Variants in PHF21B observed in about 807,000 individuals in gnomAD.
PHF21B encodes PHD finger protein 4.
In PHF21B, 22 loss-of-function variants were observed where a neutral mutation model predicts 62.2. The ratio of observed to expected loss-of-function variants is 0.35; its 90% CI spans 0.25 to 0.51. The LOEUF is 0.51. Ranked by LOEUF, PHF21B falls within the 20% of genes least tolerant of loss-of-function variation. The probability of loss-of-function intolerance (pLI) is 0.97; values close to 1 mark genes in which losing one functional copy is unlikely to be tolerated. For synonymous variants in PHF21B, 341 were observed against 314.7 expected (o/e 1.08, Z -0.88); for missense variants, 701 against 707.9 (o/e 0.99, Z 0.11).
In PHF21B at chr22:44,889,892, G is replaced by A. The variant is rs2070930146; in HGVS notation, c.1016-110C>T. ...GGCAAGGGCTCTTACCCCAGGGCATGATGGGAGCATCATAAGGCCCCCATG... is the reference window on the plus strand; with the variant it reads ...GGCAAGGGCTCTTACCCCAGGGCATAATGGGAGCATCATAAGGCCCCCATG... On this transcript the variant is annotated intron_variant, in intron 8 of 12. Transcript: ENST00000313237. 3 of 1,189,254 alleles carry A rather than the reference G, an allele frequency of 2.5e-6. No homozygotes were observed. In the South Asian group the frequency reaches 5.8e-5, roughly 23 times the overall value. The allele number at this position is 1,189,254 out of a possible 1,614,324, so 73.7% of individuals were successfully genotyped here.
chr22:45,005,506 C>T (rs1365791733), intron 2 of PHF21B, among the ~76,000 whole-genome samples: 3 of 152,206 alleles, frequency 2.0e-5, no homozygotes, highest in East Asian at 3.8e-4. Flanking sequence ...TCTACCCTGA[C>T]CAATAAGCTA....
At chr22:44,958,991 G>A (rs1321358828) in intron 2 of PHF21B, among the ~76,000 whole-genome samples, 1 of 151,920 alleles carries the variant, frequency 6.6e-6, no homozygotes, top group Non-Finnish European at 1.5e-5. Context: ...GTCTCCTGCT[G>A]GTTCCATGGC....
At chr22:44,945,850 C>G (rs1411953308) in intron 2 of PHF21B, among the ~76,000 whole-genome samples, 1 of 152,132 alleles carries the variant, frequency 6.6e-6, no homozygotes, top group Non-Finnish European at 1.5e-5. Flanking sequence ...GGTACCAGAA[C>G]TCTTTGGGCC....
chr22:44,912,537 C>G (rs2071360309), intron 5 of PHF21B, among the ~76,000 whole-genome samples: 1 of 152,208 alleles, frequency 6.6e-6, no homozygotes, highest in African/African-American at 2.4e-5. Flanking sequence ...CAAGCTCTCT[C>G]TTTGCCTGCC....
intron 6 of PHF21B, among the ~76,000 whole-genome samples, chr22:44,895,065 C>T (rs1007539310): frequency 6.6e-6 from 1 of 152,224 alleles, no homozygotes; most frequent in Non-Finnish European, 1.5e-5. Context: ...CGAACCTTCC[C>T]GCATCCAGGT....
rs1345142665 is a variant in PHF21B, at chr22:44,916,422, G to C, written c.422C>G (p.Ser141Cys). The change falls in exon 4 of 13, where the codon TCT (serine) becomes TGT (cysteine). Residue 141 changes from serine (S) to cysteine (C), a missense_variant. Ser to Cys is a moderately radical substitution (Grantham distance 112, BLOSUM62 -1). Transcript: ENST00000313237. ...QALAEPAALA[S>C]PLSSAGVAYA... Reference sequence around the variant, plus strand: ...GGCCACCCCCGCACTGCTCAGCGGAGAGGCGAGGGCGGCGGGCTCGGCGAG... The same window carrying C: ...GGCCACCCCCGCACTGCTCAGCGGACAGGCGAGGGCGGCGGGCTCGGCGAG... 2.5e-6 allele frequency: 4 copies of C among 1,597,386 alleles called. No individual in the cohort carries two copies. The East Asian group carries it at 8.9e-5, about 36-fold the overall frequency.
At chr22:44,964,803 C>A (rs1459598497) in intron 2 of PHF21B, among the ~76,000 whole-genome samples, 1 of 152,230 alleles carries the variant, frequency 6.6e-6, no homozygotes, top group Non-Finnish European at 1.5e-5. Context: ...GGCCACCTGA[C>A]CTCCCGGAGA....
chr22:44,916,339 C>T lies in PHF21B; in HGVS notation c.505G>A (p.Val169Met), dbSNP rs760468264. 13 of 1,599,028 alleles carry T rather than the reference C, an allele frequency of 8.1e-6. No individual in the cohort carries two copies. The Admixed American group carries it at 1.8e-4, about 22-fold the overall frequency. ...TTGATGCTGTCACTGACCACAGACA[C>T]GGCGGTGCTGGGGGCCATGGCGGCG... ...NAAAMAPSTAVSVVSDSIKVQ... is the reference protein window; with the variant it reads ...NAAAMAPSTAMSVVSDSIKVQ... The change falls in exon 4 of 13, where the codon GTG becomes ATG. Residue 169 changes from valine to methionine, a missense_variant. Coordinates refer to ENST00000313237, the MANE Select transcript of PHF21B (RefSeq NM_138415.5).
intron 3 of PHF21B, among the ~76,000 whole-genome samples, chr22:44,918,283 G>A (rs1037201177): frequency 7.2e-5 from 11 of 152,200 alleles, no homozygotes; most frequent in Non-Finnish European, 8.8e-5. Flanking sequence ...TGTTCTGGTC[G>A]ATCATCTGGG....
intron 2 of PHF21B, among the ~76,000 whole-genome samples, chr22:44,939,534 A>G (rs1418150055): frequency 6.6e-6 from 1 of 152,226 alleles, no homozygotes; most frequent in Non-Finnish European, 1.5e-5. Context: ...CGCATCTGTG[A>G]GCACAGTGGG....
chr22:44,913,762 G>T, intron 5 of PHF21B, 60 bp downstream of exon 5: 1 of 1,551,404 alleles, frequency 6.4e-7, no homozygotes. Context: ...ATACACAGCG[G>T]CCTCAGATGG....
chr22:44,910,108 C>A (rs1159101962), intron 5 of PHF21B, among the ~76,000 whole-genome samples: 4 of 152,186 alleles, frequency 2.6e-5, no homozygotes, highest in Non-Finnish European at 4.4e-5. Flanking sequence ...TGAAGGGATG[C>A]ACAACAGGTT....
chr22:44,885,411 G>C lies in PHF21B; in HGVS notation c.1377+15C>G. On this transcript the variant is annotated intron_variant, in intron 12 of 12. Coordinates refer to ENST00000313237, the MANE Select transcript of PHF21B (RefSeq NM_138415.5). ...GCAGGGCTGAGGCCAGCCTCCCCCA[G>C]GCCCCGGGGCACACCTGCACTGCTG... The C allele has an allele frequency of 1.3e-6, 2 of 1,557,908 alleles. No individual in the cohort carries two copies. The highest frequency in any genetic ancestry group is 2.3e-5 in the South Asian group (2 of 85,218).
At chr22:44,959,408 G>C (rs892405448) in intron 2 of PHF21B, among the ~76,000 whole-genome samples, 1 of 152,174 alleles carries the variant, frequency 6.6e-6, no homozygotes, top group East Asian at 1.9e-4. Flanking sequence ...TCTGTCCCCT[G>C]CCTGGGTCCT....
intron 2 of PHF21B, among the ~76,000 whole-genome samples, chr22:44,920,860 G>A (rs1458758810): frequency 6.6e-6 from 1 of 152,140 alleles, no homozygotes; most frequent in Non-Finnish European, 1.5e-5. Context: ...AATGGCTATG[G>A]GATCTTCCAT....
chr22:44,930,816 C>T (rs1307000808), intron 2 of PHF21B, among the ~76,000 whole-genome samples: 2 of 151,642 alleles, frequency 1.3e-5, no homozygotes, highest in African/African-American at 2.4e-5. Flanking sequence ...AAGGGCGGCA[C>T]CCCCCAACCC....
chr22:44,958,941 C>A (rs757680842), intron 2 of PHF21B, among the ~76,000 whole-genome samples: 1 of 151,942 alleles, frequency 6.6e-6, no homozygotes, highest in Non-Finnish European at 1.5e-5. Context: ...GCACCCGGCC[C>A]CTCCTTTGAT....
At chr22:44,945,649 T>C (rs937967237) in intron 2 of PHF21B, among the ~76,000 whole-genome samples, 28 of 151,224 alleles carry the variant, frequency 1.9e-4, no homozygotes, top group African/African-American at 6.6e-4. Context: ...CAGGGAGTGA[T>C]AGGGAACCCC....
chr22:44,972,064 T>G (rs937813457), intron 2 of PHF21B, among the ~76,000 whole-genome samples: 11 of 152,154 alleles, frequency 7.2e-5, no homozygotes, highest in African/African-American at 2.4e-4. Context: ...TGGGCAACAC[T>G]GTGTCTGCTC....
Sources: gnomAD v4.1 joint callset for allele counts (sites outside exome capture counted in the v4.1 genomes callset) on GRCh38, gnomAD v4.1.1 for gene constraint, MANE v1.5 for transcripts, NCBI Gene and HGNC (gene_info 2026-07-23, HGNC 2026-07-21) for gene names.